XXYLT1: variants seen among roughly 807,000 people sequenced by gnomAD.
The protein encoded by XXYLT1 is xyloside xylosyltransferase 1, also known as UDP-xylose:alpha-xyloside alpha-1,3-xylosyltransferase.
In XXYLT1, 20 loss-of-function variants were observed where a neutral mutation model predicts 28.9. The ratio of observed to expected loss-of-function variants is 0.69; its 90% CI spans 0.49 to 1.00. XXYLT1 has a LOEUF of 1.00. XXYLT1 is among the 50% of genes least tolerant of loss of function. The probability of loss-of-function intolerance (pLI) is 0.00; values close to 1 mark genes in which losing one functional copy is unlikely to be tolerated. For missense variants in XXYLT1, 542 were observed against 560.1 expected (o/e 0.97, Z 0.33); for synonymous variants, 257 against 253.8 (o/e 1.01, Z -0.12).
chr3:195,155,913 G>A (rs1021779894), intron 3 of XXYLT1, among the ~76,000 whole-genome samples: 1 of 152,252 alleles, frequency 6.6e-6, no homozygotes, highest in Non-Finnish European at 1.5e-5. Context: ...GAATATTCCA[G>A]AATGGTTCTC....
In XXYLT1 at chr3:195,222,139, A is replaced by G. The variant is rs548090414; in HGVS notation, c.652+4570T>C. On this transcript the variant is annotated intron_variant, in intron 2 of 3. Transcript: ENST00000310380. ...CGACATGGGGCCCAGAAGACAGGCA[A>G]GGATGCCAAGTCCTGTAAGTTTCAC... Among the ~76,000 whole-genome samples the G allele has an allele frequency of 9.2e-5, 14 of 152,354 alleles. No individual in the cohort carries two copies. The East Asian group carries it at 2.3e-3, about 25-fold the overall frequency.
intron 3 of XXYLT1, among the ~76,000 whole-genome samples, chr3:195,075,073 A>G (rs569672174): frequency 6.6e-6 from 1 of 152,210 alleles, no homozygotes; most frequent in African/African-American, 2.4e-5. Flanking sequence ...CCAACATGAC[A>G]AAACCCCGTC....
chr3:195,109,658 C>CCT (rs1717370915), intron 3 of XXYLT1, among the ~76,000 whole-genome samples: 1 of 100,638 alleles, frequency 9.9e-6, no homozygotes, highest in African/African-American at 4.0e-5. Context: ...TGTATGTGTG[C>CCT]GTGTGTGTGG....
rs1348158351 is a variant in XXYLT1 at position 195,257,280 on chromosome 3, C to T, written c.504+13275G>A. Among the ~76,000 whole-genome samples, 2 of 152,190 alleles carry T rather than the reference C, an allele frequency of 1.3e-5. No individual in the cohort carries two copies. The highest frequency in any genetic ancestry group is 4.8e-5 in the African/African-American group (2 of 41,430). On this transcript the variant is annotated intron_variant, in intron 1 of 3. Coordinates refer to ENST00000310380, the MANE Select transcript of XXYLT1 (RefSeq NM_152531.5). This position sits in a 1 kb window ranked among gnomAD's most constrained non-coding sequence, Gnocchi z 4.3. ...CCTCCAGTGTGCGAGCCTATGCAGT[C>T]TTACCCATGCCAGGCCCTGCGCCAC...
At position 195,255,016 on chromosome 3, in the gene XXYLT1, G is replaced by A. The variant is rs905927835; in HGVS notation, c.504+15539C>T. Among the ~76,000 whole-genome samples the A allele has an allele frequency of 6.6e-6, 1 of 152,056 alleles. No individual in the cohort carries two copies. Among genetic ancestry groups the A allele is most frequent in the East Asian group, 1.9e-4 (1 of 5,174 alleles). ...GCCCATTCCCACACCCGCTGCACAG[G>A]AAAGAGAAAGAAGTCAGACTCGGAC... On this transcript the variant is annotated intron_variant, in intron 1 of 3. Coordinates refer to ENST00000310380, the MANE Select transcript of XXYLT1 (RefSeq NM_152531.5). This position sits in a 1 kb window ranked among gnomAD's most constrained non-coding sequence, Gnocchi z 4.5.
At chr3:195,179,009 C>G (rs1721811029) in intron 2 of XXYLT1, among the ~76,000 whole-genome samples, 1 of 152,220 alleles carries the variant, frequency 6.6e-6, no homozygotes, top group South Asian at 2.1e-4. Context: ...TTCCACTGGA[C>G]AACTCCACAC....
At chr3:195,234,196 C>T (rs1175635348) in intron 1 of XXYLT1, among the ~76,000 whole-genome samples, 4 of 151,498 alleles carry the variant, frequency 2.6e-5, no homozygotes, top group African/African-American at 7.3e-5. Flanking sequence ...GGATTACAGG[C>T]GTGAGCCACT....
At chr3:195,260,734 C>A (rs367637765) in intron 1 of XXYLT1, among the ~76,000 whole-genome samples, 2 of 152,332 alleles carry the variant, frequency 1.3e-5, no homozygotes, top group East Asian at 3.9e-4. Context: ...AAAGGCAGCT[C>A]GCTGTGGCAC....
chr3:195,198,565 T>C (rs972189949), intron 2 of XXYLT1, among the ~76,000 whole-genome samples: 3 of 152,216 alleles, frequency 2.0e-5, no homozygotes, highest in Non-Finnish European at 4.4e-5. Flanking sequence ...GCTTACATGG[T>C]ACTTATCCCG....
chr3:195,225,319 A>G (rs533187672), intron 2 of XXYLT1, among the ~76,000 whole-genome samples: 39 of 152,350 alleles, frequency 2.6e-4, no homozygotes, highest in African/African-American at 8.4e-4. Context: ...AGAGGCCTCC[A>G]GAGTGCTGGA....
At chr3:195,186,382 A>G (rs1188199292) in intron 2 of XXYLT1, among the ~76,000 whole-genome samples, 2 of 152,214 alleles carry the variant, frequency 1.3e-5, no homozygotes, top group Admixed American at 1.3e-4. Context: ...TCCCCAGGAT[A>G]AAGTCCCCAA....
In XXYLT1 at chr3:195,166,683, T is replaced by A. The variant is rs761749498; in HGVS notation, c.653-10102A>T. On this transcript the variant is annotated intron_variant, in intron 2 of 3. Transcript: ENST00000310380. Reference sequence around the variant, plus strand: ...GGGGAATATGGGCCATTTTTTTTTTTATTGATTTATTGATTTTGAGATGGA... The same window carrying A: ...GGGGAATATGGGCCATTTTTTTTTTAATTGATTTATTGATTTTGAGATGGA... Among the ~76,000 whole-genome samples, 274 of 152,070 alleles carry A rather than the reference T, an allele frequency of 1.8e-3. 2 individuals carry two copies. Among genetic ancestry groups the A allele is most frequent in the Non-Finnish European group, 3.4e-3 (233 of 67,944 alleles).
At chr3:195,247,565 T>C (rs948160684) in intron 1 of XXYLT1, among the ~76,000 whole-genome samples, 5 of 152,214 alleles carry the variant, frequency 3.3e-5, no homozygotes, top group Non-Finnish European at 7.4e-5. Context: ...CAGTTCCGAA[T>C]GGCCCCCCAC....
chr3:195,270,431 C>A, intron 1 of XXYLT1, 124 bp downstream of exon 1: 1 of 1,340,032 alleles, frequency 7.5e-7, no homozygotes, highest in Non-Finnish European at 9.5e-7. Context: ...CACTACATTG[C>A]AAGCGGGCAG....
At chr3:195,175,889 G>T in intron 2 of XXYLT1, 1 of 1,403,842 alleles carries the variant, frequency 7.1e-7, no homozygotes, top group African/African-American at 1.5e-5. Flanking sequence ...ACATTTGTGT[G>T]GGAAAGAAAA....
At chr3:195,177,936 T>TAAAAAAAAAAAA (rs56022005) in intron 2 of XXYLT1, among the ~76,000 whole-genome samples, 24 of 115,608 alleles carry the variant, frequency 2.1e-4, no homozygotes, top group African/African-American at 7.9e-4. Context: ...CTCTGTCTCT[T>TAAAAAAAAAAAA]AAAAAAAAAA....
At chr3:195,247,816 C>T (rs28634840) in intron 1 of XXYLT1, 98 of 702,660 alleles carry the variant, frequency 1.4e-4, no homozygotes, top group African/African-American at 1.3e-3. Context: ...ACAATCACGG[C>T]GGAAGGGACA....
At chr3:195,198,343 C>T (rs1220475226) in intron 2 of XXYLT1, among the ~76,000 whole-genome samples, 1 of 152,132 alleles carries the variant, frequency 6.6e-6, no homozygotes, top group Non-Finnish European at 1.5e-5. Flanking sequence ...CTTCCCACTC[C>T]CCCTGAGTTT....
Position 195,180,753 on chromosome 3 carries a change from C to T in XXYLT1, c.653-24172G>A, listed in dbSNP as rs551745553. Among the ~76,000 whole-genome samples, 45 of 152,318 alleles carry T rather than the reference C, an allele frequency of 3.0e-4. No individual in the cohort carries two copies. Among genetic ancestry groups the T allele is most frequent in the African/African-American group, 1.1e-3 (44 of 41,584 alleles). On this transcript the variant is annotated intron_variant, in intron 2 of 3. Transcript: ENST00000310380. The surrounding 1 kb of genome is among the most constrained non-coding windows in gnomAD (Gnocchi z 5.8). ...CTGCCCCCACCCCTGCAAGCACACACCTGCTCGCCAGGAGCAAGGGCAGCG... is the reference window on the plus strand; with the variant it reads ...CTGCCCCCACCCCTGCAAGCACACATCTGCTCGCCAGGAGCAAGGGCAGCG...
Sources: allele counts gnomAD v4.1 joint callset (sites outside exome capture counted in the v4.1 genomes callset), GRCh38; gene constraint gnomAD v4.1.1; non-coding constraint Gnocchi (gnomAD v3.1); transcripts MANE v1.5; gene names NCBI Gene and HGNC (gene_info 2026-07-23, HGNC 2026-07-21).